SEMA3A: variants seen among roughly 807,000 people sequenced by gnomAD.
SEMA3A encodes the protein semaphorin-3A.
In SEMA3A, 29 loss-of-function variants were observed where a neutral mutation model predicts 97.9. The ratio of observed to expected loss-of-function variants is 0.30; its 90% confidence interval spans 0.22 to 0.40. The LOEUF (loss-of-function observed/expected upper bound fraction) is 0.40, where lower values mean the gene tolerates loss of function less well. Ranked by LOEUF, SEMA3A falls within the 10% of genes least tolerant of loss-of-function variation. The pLI is 1.00. For synonymous variants in SEMA3A, 321 were observed against 323.7 expected, an observed-to-expected ratio of 0.99 and a Z score of 0.09; for missense variants, 763 against 951.3, an observed-to-expected ratio of 0.80 and a Z score of 2.60.
Position 84,088,755 on chromosome 7 carries a change from A to G in SEMA3A, c.453+21715T>C, listed in dbSNP as rs1794468909. Reference sequence around the variant, plus strand: ...CACCTTCCTGCCTAACATTAAAACTACAAGAATATGAAATAGTAGTTGGAG... The same window carrying G: ...CACCTTCCTGCCTAACATTAAAACTGCAAGAATATGAAATAGTAGTTGGAG... On this transcript the variant is annotated intron_variant, in intron 4 of 16. Coordinates refer to ENST00000265362, the MANE Select transcript of SEMA3A (RefSeq NM_006080.3). Among the ~76,000 whole-genome samples, 6 of 152,290 alleles carry G rather than the reference A, an allele frequency of 3.9e-5. No individual in the cohort carries two copies. In the South Asian group the frequency reaches 6.2e-4, roughly 16 times the overall value.
intron 6 of SEMA3A, among the ~76,000 whole-genome samples, chr7:84,045,111 A>G (rs776675009): frequency 1.1e-4 from 16 of 152,120 alleles, no homozygotes; most frequent in Non-Finnish European, 1.5e-4. Flanking sequence ...TGGAATTTCA[A>G]TGAGGTCTAT....
At chr7:84,385,556 C>A (rs1298837793) in intron 1 of SEMA3A, among the ~76,000 whole-genome samples, 1 of 152,134 alleles carries the variant, frequency 6.6e-6, no homozygotes, top group Non-Finnish European at 1.5e-5. Context: ...CTGGAACATA[C>A]CCAGATCTTT....
At chr7:84,213,942 CT>C (rs1486758462) in intron 3 of SEMA3A, among the ~76,000 whole-genome samples, 3 of 152,200 alleles carry the variant, frequency 2.0e-5, no homozygotes, top group Admixed American at 6.5e-5. Flanking sequence ...GTGTTACTAA[CT>C]TACCTTTTAT....
intron 4 of SEMA3A, among the ~76,000 whole-genome samples, chr7:84,066,953 T>C (rs559324985): frequency 3.9e-5 from 6 of 152,140 alleles, no homozygotes; most frequent in African/African-American, 9.6e-5. Context: ...AAAAAGAGCC[T>C]GCATCGCCAA....
At chr7:84,426,811 G>A (rs1804840382) in intron 1 of SEMA3A, among the ~76,000 whole-genome samples, 1 of 152,052 alleles carries the variant, frequency 6.6e-6, no homozygotes, top group Admixed American at 6.6e-5. Flanking sequence ...TTATTTCTAT[G>A]TTTCATAATC....
intron 4 of SEMA3A, among the ~76,000 whole-genome samples, chr7:84,079,336 G>C (rs941676627): frequency 4.0e-5 from 6 of 151,032 alleles, no homozygotes; most frequent in African/African-American, 1.5e-4. Context: ...GGCAACAAAA[G>C]ACAAAATTGA....
At position 84,194,640 on chromosome 7, in the gene SEMA3A, C is replaced by T. The variant is rs1798162728; in HGVS notation, c.-54G>A. On this transcript the variant is annotated 5_prime_UTR_variant, in exon 1 of 17. Transcript: ENST00000265362. ...CTTTAGTCTTCCTTCCTGTATTGTG[C>T]GGCCAGAGAAGTTCAAACAATCTGG... 3 of 1,142,200 alleles carry T rather than the reference C, an allele frequency of 2.6e-6. No homozygotes were observed. The highest frequency in any genetic ancestry group is 2.6e-6 in the Non-Finnish European group (2 of 762,304). The allele number at this position is 1,142,200 out of a possible 1,614,324, so 70.8% of individuals were successfully genotyped here.
intron 1 of SEMA3A, among the ~76,000 whole-genome samples, chr7:84,160,218 AATCTGTCTATCT>A (rs1233091273): frequency 2.8e-5 from 4 of 142,356 alleles, no homozygotes; most frequent in Non-Finnish European, 6.1e-5. Context: ...AAAAACTATC[AATCTGTCTATCT>A]ATCTATCTAT....
At chr7:84,100,280 A>C (rs1794920125) in intron 4 of SEMA3A, among the ~76,000 whole-genome samples, 1 of 152,168 alleles carries the variant, frequency 6.6e-6, no homozygotes, top group Non-Finnish European at 1.5e-5. Context: ...AATCACTCCG[A>C]CATAGTCCTC....
intron 1 of SEMA3A, among the ~76,000 whole-genome samples, chr7:84,383,286 T>C (rs1267696319): frequency 6.6e-6 from 1 of 152,100 alleles, no homozygotes. Flanking sequence ...TTTGGATAAG[T>C]ATAATGGAAT....
intron 2 of SEMA3A, among the ~76,000 whole-genome samples, chr7:84,325,063 T>C (rs757184957): frequency 5.3e-5 from 8 of 152,138 alleles, no homozygotes; most frequent in Non-Finnish European, 1.2e-4. Context: ...TAACTTATGT[T>C]TGTCTTTTTA....
At position 84,190,960 on chromosome 7, in the gene SEMA3A, T is replaced by TACACAC. The variant is rs200896857; in HGVS notation, c.112+3514_112+3515insGTGTGT. 3.5e-3 allele frequency among the ~76,000 whole-genome samples: 293 copies of TACACAC among 82,672 alleles called. 1 individual carries two copies. Among genetic ancestry groups the TACACAC allele is most frequent in the African/African-American group, 0.016 (225 of 13,724 alleles). 54.2% of individuals were successfully genotyped at this position (82,672 alleles called of 152,430 possible). ...ATGTGTACACATAAATGTATTGGTA[T>TACACAC]ATACACACACACACACACACACACA... On this transcript the variant is annotated intron_variant, in intron 1 of 16. Transcript: ENST00000265362.
intron 3 of SEMA3A, among the ~76,000 whole-genome samples, chr7:84,228,290 C>T (rs1799037635): frequency 6.6e-6 from 1 of 151,884 alleles, no homozygotes; most frequent in Non-Finnish European, 1.5e-5. Flanking sequence ...ATTAGTGGGA[C>T]CTTAAGGAGG....
At chr7:84,229,862 A>G (rs115292232) in intron 3 of SEMA3A, among the ~76,000 whole-genome samples, 5,399 of 151,986 alleles carry the variant, frequency 0.036, 114 homozygotes, top group South Asian at 0.046. Context: ...AAACAATTGT[A>G]GTAAAGAACA....
chr7:84,423,491 T>C (rs1804656642), intron 1 of SEMA3A, among the ~76,000 whole-genome samples: 1 of 152,094 alleles, frequency 6.6e-6, no homozygotes. Flanking sequence ...AGGTCTTCTG[T>C]GGTCATCCTG....
chr7:84,366,796 A>G lies in SEMA3A; in HGVS notation c.-169+5028T>C, dbSNP rs990275153. Among the ~76,000 whole-genome samples, 3 of 151,372 alleles carry G rather than the reference A, an allele frequency of 2.0e-5. No homozygotes were observed. In the Admixed American group the frequency reaches 2.0e-4, roughly 10 times the overall value. The stretch of plus-strand genomic sequence containing the variant: ...TCATTTTCTGAGGTGTTTTAAAGTG[A>G]TAGGCATACTAGTGGTAAATTGCTA... On this transcript the variant is annotated intron_variant, in intron 2 of 3. Coordinates refer to the SEMA3A transcript ENST00000424555.
chr7:84,077,330 C>T (rs1487715394), intron 4 of SEMA3A, among the ~76,000 whole-genome samples: 1 of 151,944 alleles, frequency 6.6e-6, no homozygotes. Flanking sequence ...TTTTTAGTTC[C>T]AAATTGTGAA....
chr7:84,155,378 CTATACTT>C (rs1796812278), intron 1 of SEMA3A, among the ~76,000 whole-genome samples: 1 of 152,150 alleles, frequency 6.6e-6, no homozygotes, highest in South Asian at 2.1e-4. Context: ...TCATCAAACT[CTATACTT>C]TACTAGTCCA....
At chr7:84,071,885 G>A (rs1030709569) in intron 4 of SEMA3A, among the ~76,000 whole-genome samples, 1 of 152,092 alleles carries the variant, frequency 6.6e-6, no homozygotes, top group Non-Finnish European at 1.5e-5. Flanking sequence ...CTGGTTGGAA[G>A]AGACTGTGGA....
Sources: allele counts gnomAD v4.1 joint callset (sites outside exome capture counted in the v4.1 genomes callset), GRCh38; gene constraint gnomAD v4.1.1; transcripts MANE v1.5; gene names NCBI Gene and HGNC (gene_info 2026-07-23, HGNC 2026-07-21).